Variants in RECK observed in about 807,000 individuals in gnomAD.
RECK encodes the protein reversion inducing cysteine rich protein with kazal motifs.
RECK carries 69 observed loss-of-function variants against 115.1 expected under a neutral mutation model. The ratio of observed to expected loss-of-function variants is 0.60; its 90% CI spans 0.49 to 0.73. The LOEUF is 0.73. Among genes scored for constraint, RECK ranks in the 30% least tolerant of loss-of-function variants. The pLI, the probability that RECK is intolerant of heterozygous loss-of-function variation, is 0.00. For missense variants in RECK, 1,047 were observed against 1,203.7 expected, an observed-to-expected ratio of 0.87 and a Z score of 1.93; for synonymous variants, 414 against 419.7, an observed-to-expected ratio of 0.99 and a Z score of 0.17.
At chr9:36,091,458 G>A (rs1172740964) in intron 10 of RECK, 115 bp downstream of exon 10, 1 of 833,366 alleles carries the variant, frequency 1.2e-6, no homozygotes, top group African/African-American at 1.8e-5. Context: ...TCTTCTTTAT[G>A]ATTTAATCTT....
intron 8 of RECK, among the ~76,000 whole-genome samples, chr9:36,086,590 T>A (rs1822971980): frequency 1.3e-5 from 2 of 152,214 alleles, no homozygotes; most frequent in Admixed American, 1.3e-4. Flanking sequence ...CACTGCTGGC[T>A]CGGGTGGCCA....
In RECK at chr9:36,117,004, G is replaced by T; in HGVS notation, c.2080G>T (p.Val694Phe). Reference sequence around the variant, plus strand: ...TTTCAGGTGCATACCCAAACCACAGGTCTGCCTGACGACTTTTGATAAATT... The same window carrying T: ...TTTCAGGTGCATACCCAAACCACAGTTCTGCCTGACGACTTTTGATAAATT... ...KNQRCIPKPQ[V>F]CLTTFDKFGC... The change falls in exon 17 of 21, where the codon GTC (valine) becomes TTC (phenylalanine). Residue 694 changes from valine to phenylalanine, a missense_variant. Transcript: ENST00000377966. 6.2e-7 allele frequency: 1 copy of T among 1,612,102 alleles called. No individual in the cohort carries two copies. Among genetic ancestry groups the T allele is most frequent in the Non-Finnish European group, 8.5e-7 (1 of 1,178,568 alleles).
intron 10 of RECK, among the ~76,000 whole-genome samples, chr9:36,092,868 GA>G (rs993434270): frequency 8.1e-5 from 12 of 147,692 alleles, no homozygotes; most frequent in Admixed American, 2.0e-4. Context: ...GATATTGAAG[GA>G]AAAAAAAAAT....
chr9:36,118,337 C>A (rs995597857), intron 17 of RECK, among the ~76,000 whole-genome samples: 18 of 152,192 alleles, frequency 1.2e-4, no homozygotes, highest in Admixed American at 2.0e-4. Context: ...ACTGCTCCCC[C>A]AACTCCTCCC....
intron 1 of RECK, among the ~76,000 whole-genome samples, chr9:36,050,780 C>G (rs1235532897): frequency 6.6e-6 from 1 of 152,234 alleles, no homozygotes; most frequent in Non-Finnish European, 1.5e-5. Context: ...TTTGAACACA[C>G]CAGAAACTTT....
At chr9:36,046,624 G>C (rs1821082438) in intron 1 of RECK, among the ~76,000 whole-genome samples, 1 of 152,166 alleles carries the variant, frequency 6.6e-6, no homozygotes, top group Non-Finnish European at 1.5e-5. Flanking sequence ...GAGGAGGAAA[G>C]AAGTTATTAC....
intron 6 of RECK, among the ~76,000 whole-genome samples, chr9:36,069,015 T>C (rs1459630487): frequency 6.6e-6 from 1 of 152,152 alleles, no homozygotes; most frequent in East Asian, 1.9e-4. Context: ...TCTGGAGGAA[T>C]TGATCTTGTA....
chr9:36,045,868 G>A (rs887295686), intron 1 of RECK, among the ~76,000 whole-genome samples: 2 of 151,984 alleles, frequency 1.3e-5, no homozygotes, highest in Admixed American at 6.6e-5. Flanking sequence ...GCTGAAACTC[G>A]ATGTTTCTAA....
chr9:36,077,741 C>G (rs1822505229), intron 6 of RECK, among the ~76,000 whole-genome samples: 1 of 152,184 alleles, frequency 6.6e-6, no homozygotes, highest in Non-Finnish European at 1.5e-5. Flanking sequence ...GCTTGAAGAA[C>G]ATCTCTGAAC....
Position 36,067,203 on chromosome 9 carries a change from G to A in RECK, c.405+1579G>A, listed in dbSNP as rs548616919. Among the ~76,000 whole-genome samples, 5 of 152,232 alleles carry A rather than the reference G, an allele frequency of 3.3e-5. No homozygotes were observed. In the East Asian group the frequency reaches 7.7e-4, roughly 23 times the overall value. On this transcript the variant is annotated intron_variant, in intron 6 of 20. Transcript: ENST00000377966. Reference sequence around the variant, plus strand: ...AGCTATTTGTTATAAAGTGAATTGGGTAAATTTGGTGTAATATAGCCTATT... The same window carrying A: ...AGCTATTTGTTATAAAGTGAATTGGATAAATTTGGTGTAATATAGCCTATT...
At chr9:36,065,960 T>G (rs1011461869) in intron 6 of RECK, among the ~76,000 whole-genome samples, 14 of 152,156 alleles carry the variant, frequency 9.2e-5, no homozygotes, top group Admixed American at 1.3e-4. Flanking sequence ...ATCTCCTATC[T>G]CTTGACCCAT....
intron 13 of RECK, among the ~76,000 whole-genome samples, chr9:36,106,240 G>GT (rs1202628348): frequency 1.4e-3 from 182 of 130,276 alleles, no homozygotes; most frequent in South Asian, 2.6e-3. Flanking sequence ...AAAAAAAAAC[G>GT]TTTTTTTTTT....
chr9:36,053,238 G>A (rs1025587770), intron 2 of RECK, among the ~76,000 whole-genome samples: 4 of 152,150 alleles, frequency 2.6e-5, no homozygotes, highest in Non-Finnish European at 4.4e-5. Flanking sequence ...AAGTTCCACT[G>A]AAGCACTACC....
At chr9:36,063,494 G>A (rs776718881) in intron 4 of RECK, among the ~76,000 whole-genome samples, 8 of 152,032 alleles carry the variant, frequency 5.3e-5, no homozygotes, top group Admixed American at 2.0e-4. Flanking sequence ...TCCCTTGTAC[G>A]TCCTCTGGTA....
chr9:36,102,028 T>C, intron 11 of RECK, 66 bp from the exon 12 acceptor site: 1 of 1,467,556 alleles, frequency 6.8e-7, no homozygotes, highest in Non-Finnish European at 9.3e-7. Context: ...CAGAAACAAG[T>C]GATGTTGACT....
chr9:36,059,585 A>G (rs1201775034), intron 3 of RECK, among the ~76,000 whole-genome samples: 10 of 152,176 alleles, frequency 6.6e-5, no homozygotes, highest in African/African-American at 2.2e-4. Flanking sequence ...GATAAGGGAA[A>G]ATATATGACT....
At chr9:36,108,927 T>C (rs1385048719) in intron 14 of RECK, among the ~76,000 whole-genome samples, 1 of 152,058 alleles carries the variant, frequency 6.6e-6, no homozygotes, top group Non-Finnish European at 1.5e-5. Flanking sequence ...ACCCCATTTC[T>C]ACTCCCATCC....
intron 5 of RECK, among the ~76,000 whole-genome samples, chr9:36,064,681 G>C (rs906405360): frequency 1.3e-5 from 2 of 152,202 alleles, no homozygotes; most frequent in Non-Finnish European, 2.9e-5. Flanking sequence ...GTCTGCTGCT[G>C]TCCTCCAGGC....
chr9:36,103,030 G>C (rs1231896769), intron 12 of RECK, among the ~76,000 whole-genome samples: 1 of 151,904 alleles, frequency 6.6e-6, no homozygotes. Context: ...GTTTTTCTCT[G>C]CCAAATACTC....
Sources: gnomAD v4.1 joint callset for allele counts (sites outside exome capture counted in the v4.1 genomes callset) on GRCh38, gnomAD v4.1.1 for gene constraint, MANE v1.5 for transcripts, NCBI Gene and HGNC (gene_info 2026-07-23, HGNC 2026-07-21) for gene names.